Variants in ARHGEF17 observed in about 807,000 individuals in gnomAD.
The protein encoded by ARHGEF17 is Rho guanine nucleotide exchange factor 17.
In ARHGEF17, 80 loss-of-function variants were observed where a neutral mutation model predicts 174.0. That is an observed-to-expected ratio of 0.46 (90% CI 0.38 to 0.55). The LOEUF (loss-of-function observed/expected upper bound fraction) is 0.55. Among genes scored for constraint, ARHGEF17 ranks in the 20% least tolerant of loss-of-function variants. ARHGEF17 has a pLI of 0.00. For missense variants in ARHGEF17, 2,886 were observed against 2,839.7 expected (o/e 1.02, Z -0.37); for synonymous variants, 1,311 against 1,189.1 (o/e 1.10, Z -2.11).
In ARHGEF17 at chr11:73,355,517, G is replaced by GCCT. The variant is rs578138649; in HGVS notation, c.3454-7_3454-5dup. On this transcript the variant is annotated splice_polypyrimidine_tract_variant and intron_variant, in intron 3 of 20. Coordinates refer to ENST00000263674, the MANE Select transcript of ARHGEF17 (RefSeq NM_014786.4). Reference sequence around the variant, plus strand: ...GGGACACCTTGAGGGTCCCCAACCTGCCTCCTCCTCCACAGTTCTCCAAGG... The same window carrying GCCT: ...GGGACACCTTGAGGGTCCCCAACCTGCCTCCTCCTCCTCCACAGTTCTCCAAGG... 545 of 1,596,944 alleles carry GCCT rather than the reference G, an allele frequency of 3.4e-4. 5 individuals are homozygous for GCCT. In the East Asian group the frequency reaches 4.9e-3, roughly 14 times the overall value.
intron 1 of ARHGEF17, among the ~76,000 whole-genome samples, chr11:73,313,998 A>G (rs913910315): frequency 2.0e-5 from 3 of 152,200 alleles, no homozygotes; most frequent in Middle Eastern, 3.2e-3. Context: ...GGGCCTCAGT[A>G]TAACCTGGTG....
chr11:73,310,215 C>T lies in ARHGEF17; in HGVS notation c.1577C>T (p.Ala526Val). The T allele has an allele frequency of 6.2e-7, 1 of 1,614,052 alleles. No homozygotes were observed. The highest frequency in any genetic ancestry group is 8.5e-7 in the Non-Finnish European group (1 of 1,180,032). The stretch of plus-strand genomic sequence containing the variant: ...GAACCCATACCCATCCCAGCCCCAG[C>T]ATCACCTGGCACGCGCCCCACACTC... ...QLEPIPIPAP[A>V]SPGTRPTLKD... Residue 526 changes from alanine (A) to valine (V), a missense_variant, in exon 1 of 21, where the codon GCA becomes GTA. Around this residue, in one of 4 missense-constraint regions of ARHGEF17, gnomAD observed 1,728 missense variants for 1,461.2 expected, o/e 1.18. Transcript: ENST00000263674.
At chr11:73,320,866 T>C (rs1865006910) in intron 1 of ARHGEF17, among the ~76,000 whole-genome samples, 1 of 152,090 alleles carries the variant, frequency 6.6e-6, no homozygotes, top group African/African-American at 2.4e-5. Context: ...CTCACTATGT[T>C]GCCCAGGCTG....
At position 73,310,504 on chromosome 11, in the gene ARHGEF17, G is replaced by C; in HGVS notation, c.1866G>C (p.Trp622Cys). The change falls in exon 1 of 21, where the codon TGG becomes TGC. Residue 622 changes from tryptophan to cysteine, a missense_variant. Around this residue, in one of 4 missense-constraint regions of ARHGEF17, gnomAD observed 1,728 missense variants for 1,461.2 expected, o/e 1.18. Coordinates refer to ENST00000263674, the MANE Select transcript of ARHGEF17 (RefSeq NM_014786.4). ...ATGCCCCCCCTGGAAGCCCTGACTG[G>C]GCAGGGGATGTGACCCGAGGGCAGC... is the stretch of plus-strand genomic sequence containing the variant. ...GSDAPPGSPD[W>C]AGDVTRGQRS... The C allele has an allele frequency of 1.2e-6, 2 of 1,614,010 alleles. No homozygotes were observed. Among genetic ancestry groups the C allele is most frequent in the Non-Finnish European group, 1.7e-6 (2 of 1,180,042 alleles).
chr11:73,355,751 G>A, intron 4 of ARHGEF17, 102 bp downstream of exon 4: 1 of 1,560,050 alleles, frequency 6.4e-7, no homozygotes, highest in Non-Finnish European at 8.8e-7. Context: ...CCAGCCAGTG[G>A]GCCAGCCTCC....
intron 1 of ARHGEF17, among the ~76,000 whole-genome samples, chr11:73,319,482 A>G (rs569994751): frequency 1.8e-4 from 27 of 152,336 alleles, no homozygotes; most frequent in East Asian, 1.5e-3. Flanking sequence ...GTTATTATGT[A>G]AGGTGACATA....
Position 73,311,620 on chromosome 11 carries a change from C to T in ARHGEF17, c.2982C>T (p.Ala994=). 2 of 1,613,330 alleles carry T rather than the reference C, an allele frequency of 1.2e-6. No homozygotes were observed. The highest frequency in any genetic ancestry group is 1.3e-5 in the African/African-American group (1 of 75,064). ...VPEPIGFPTR[A]HPTLQAPSLE... ...AACCCATAGGCTTCCCTACCCGAGC[C>T]CATCCCACGTTGCAGGCACCATCGC... The change falls in exon 1 of 21, where the codon GCC becomes GCT. Residue 994 remains alanine, a synonymous_variant. Transcript: ENST00000263674.
At chr11:73,355,326 A>C (rs1443817916) in intron 3 of ARHGEF17, among the ~76,000 whole-genome samples, 1 of 152,214 alleles carries the variant, frequency 6.6e-6, no homozygotes, top group Non-Finnish European at 1.5e-5. Flanking sequence ...AGATAATATG[A>C]GCACTCGTAT....
Position 73,311,393 on chromosome 11 carries a change from C to G in ARHGEF17, c.2755C>G (p.Arg919Gly), listed in dbSNP as rs771434898. 3.1e-5 allele frequency: 50 copies of G among 1,613,314 alleles called. No homozygotes were observed. The highest frequency in any genetic ancestry group is 4.2e-5 in the Non-Finnish European group (49 of 1,180,038). The change falls in exon 1 of 21, where the codon CGC (arginine) becomes GGC (glycine). Residue 919 changes from arginine (R) to glycine (G), a missense_variant. Coordinates refer to ENST00000263674, the MANE Select transcript of ARHGEF17 (RefSeq NM_014786.4). ...TGACATTCTGTCCCCGAGGCTAATCCGCCGAGGCTCCAAGAAGCGCCCAGC... is the reference window on the plus strand; with the variant it reads ...TGACATTCTGTCCCCGAGGCTAATCGGCCGAGGCTCCAAGAAGCGCCCAGC... ...LADILSPRLI[R>G]RGSKKRPARS... is the part of the protein sequence containing the mutation.
Position 73,367,821 on chromosome 11 carries a change from T to C in ARHGEF17, c.*41T>C. On this transcript the variant is annotated 3_prime_UTR_variant, in exon 21 of 21. Coordinates refer to ENST00000263674, the MANE Select transcript of ARHGEF17 (RefSeq NM_014786.4). ...CCCAGGACTCGCCCGCCCACCTGCC[T>C]TCAGCCTGCTTGCCTCTCCCTAGCC... is the stretch of plus-strand genomic sequence containing the variant. 1 of 1,568,782 alleles carries C rather than the reference T, an allele frequency of 6.4e-7. No homozygotes were observed. The highest frequency in any genetic ancestry group is 2.3e-5 in the East Asian group (1 of 44,258).
At chr11:73,335,080 G>T (rs1865265515) in intron 1 of ARHGEF17, among the ~76,000 whole-genome samples, 1 of 152,240 alleles carries the variant, frequency 6.6e-6, no homozygotes, top group Non-Finnish European at 1.5e-5. Flanking sequence ...AGCCAGGGCT[G>T]GGACCACAGG....
intron 1 of ARHGEF17, among the ~76,000 whole-genome samples, chr11:73,313,585 C>T (rs1029881094): frequency 2.0e-5 from 3 of 152,166 alleles, no homozygotes; most frequent in African/African-American, 4.8e-5. Flanking sequence ...AGCTCTGAGG[C>T]GGGACAGATC....
Position 73,365,458 on chromosome 11 carries a change from G to A in ARHGEF17, c.5619G>A (p.Val1873=), listed in dbSNP as rs767598684. The A allele has an allele frequency of 1.9e-6, 3 of 1,614,024 alleles. No homozygotes were observed. Among genetic ancestry groups the A allele is most frequent in the Non-Finnish European group, 2.5e-6 (3 of 1,180,038 alleles). The change falls in exon 19 of 21, where the codon GTG becomes GTA. Residue 1873 remains valine (V), a synonymous_variant. Transcript: ENST00000263674. The surrounding 1 kb of genome is among the most constrained non-coding windows in gnomAD (Gnocchi z 4.9). ...VACMVDSSLG[V]WVTLKGSAHV... ...GCATGGTGGACTCCAGCCTGGGTGT[G>A]TGGGTGACATTGAAAGGTAGTGCCC... is the stretch of plus-strand genomic sequence containing the variant.
chr11:73,322,293 A>G (rs981992798), intron 1 of ARHGEF17, among the ~76,000 whole-genome samples: 3 of 152,226 alleles, frequency 2.0e-5, no homozygotes, highest in African/African-American at 7.2e-5. Context: ...ACTTCTGGGC[A>G]GGCCAGAAGG....
At chr11:73,366,099 C>T (rs1420487536) in intron 20 of ARHGEF17, 152 bp downstream of exon 20, 1 of 1,056,668 alleles carries the variant, frequency 9.5e-7, no homozygotes, top group Non-Finnish European at 1.3e-6. Flanking sequence ...ACGGAAGTGT[C>T]CAAATGAAAT....
intron 9 of ARHGEF17, among the ~76,000 whole-genome samples, chr11:73,358,657 G>C (rs188394154): frequency 6.6e-6 from 1 of 151,306 alleles, no homozygotes; most frequent in Non-Finnish European, 1.5e-5. Flanking sequence ...GTAGAGATGG[G>C]GTTTCACCAT....
At position 73,311,368 on chromosome 11, in the gene ARHGEF17, T is replaced by C; in HGVS notation, c.2730T>C (p.Ala910=). The change falls in exon 1 of 21, where the codon GCT becomes GCC. Residue 910 remains alanine, a synonymous_variant. Transcript: ENST00000263674. The part of the protein sequence containing the change: ...HRNFHLDPKL[A]DILSPRLIRR... ...ACTTTCACCTTGACCCCAAGCTGGC[T>C]GACATTCTGTCCCCGAGGCTAATCC... The C allele has an allele frequency of 6.2e-7, 1 of 1,613,312 alleles. No homozygotes were observed. Among genetic ancestry groups the C allele is most frequent in the Non-Finnish European group, 8.5e-7 (1 of 1,180,026 alleles).
chr11:73,312,371 C>A (rs139433962), intron 1 of ARHGEF17, among the ~76,000 whole-genome samples: 159 of 152,276 alleles, frequency 1.0e-3, no homozygotes, highest in African/African-American at 3.8e-3. Flanking sequence ...CAAGGCTTTA[C>A]TTTATGGAGG....
intron 13 of ARHGEF17, 32 bp from the exon 14 acceptor site, chr11:73,362,401 G>C (rs1865758054): frequency 1.3e-6 from 2 of 1,508,416 alleles, no homozygotes; most frequent in East Asian, 2.3e-5. Flanking sequence ...CTGGCTCGTA[G>C]CTGCTGTCAT....
Sources: gnomAD v4.1 joint callset for allele counts (sites outside exome capture counted in the v4.1 genomes callset) on GRCh38, gnomAD v4.1.1 for gene constraint, gnomAD v4.1.1 regional missense constraint, Gnocchi (gnomAD v3.1) non-coding constraint, MANE v1.5 for transcripts, NCBI Gene and HGNC (gene_info 2026-07-23, HGNC 2026-07-21) for gene names.